Variants in PTPRN2 observed in about 807,000 individuals in gnomAD.
PTPRN2 encodes the protein receptor-type tyrosine-protein phosphatase N2.
In PTPRN2, 74 loss-of-function variants were observed where a neutral mutation model predicts 118.8. That is an observed-to-expected ratio of 0.62 (90% CI 0.52 to 0.76). PTPRN2 has a LOEUF of 0.76. Ranked by LOEUF, PTPRN2 falls within the 30% of genes least tolerant of loss-of-function variation. The pLI is 0.00. For missense variants in PTPRN2, 1,481 were observed against 1,394.4 expected, an observed-to-expected ratio of 1.06 and a Z score of -0.99; for synonymous variants, 641 against 608.0, an observed-to-expected ratio of 1.05 and a Z score of -0.80.
At chr7:157,995,164 A>G (rs967504296) in intron 11 of PTPRN2, among the ~76,000 whole-genome samples, 3 of 147,610 alleles carry the variant, frequency 2.0e-5, no homozygotes, top group Non-Finnish European at 1.5e-5. Flanking sequence ...TCCTAAATCA[A>G]CGCCACGTCC....
At chr7:158,420,662 C>T (rs1388378284) in intron 2 of PTPRN2, among the ~76,000 whole-genome samples, 1 of 152,252 alleles carries the variant, frequency 6.6e-6, no homozygotes, top group Non-Finnish European at 1.5e-5. Flanking sequence ...GTGAGCCATG[C>T]AGATGAGGTC....
At chr7:158,032,566 G>A (rs1397236615) in intron 11 of PTPRN2, among the ~76,000 whole-genome samples, 4 of 152,102 alleles carry the variant, frequency 2.6e-5, no homozygotes, top group East Asian at 3.9e-4. Context: ...GAGACGTTCC[G>A]TATGCAATAG....
chr7:158,379,848 T>C (rs921524708), intron 2 of PTPRN2, among the ~76,000 whole-genome samples: 3 of 152,068 alleles, frequency 2.0e-5, no homozygotes, highest in Non-Finnish European at 4.4e-5. Flanking sequence ...GACTCACAAT[T>C]CCACATGGCT....
chr7:158,505,168 T>C (rs1822652693), intron 1 of PTPRN2, among the ~76,000 whole-genome samples: 1 of 152,208 alleles, frequency 6.6e-6, no homozygotes. Flanking sequence ...TTTTTCCCAC[T>C]ATATCACTGA....
chr7:158,439,130 C>G (rs1407000831), intron 2 of PTPRN2, among the ~76,000 whole-genome samples: 3 of 152,336 alleles, frequency 2.0e-5, no homozygotes, highest in East Asian at 3.9e-4. Flanking sequence ...AGTCATCCCG[C>G]CTTACTGGAC....
intron 22 of PTPRN2, among the ~76,000 whole-genome samples, chr7:157,544,668 G>T (rs1229702241): frequency 6.6e-6 from 1 of 152,244 alleles, no homozygotes; most frequent in Admixed American, 6.5e-5. Context: ...TTGTGGGCAG[G>T]AAAGTGTTAA....
chr7:158,384,301 C>A (rs1317230115), intron 2 of PTPRN2, among the ~76,000 whole-genome samples: 1 of 152,154 alleles, frequency 6.6e-6, no homozygotes, highest in Non-Finnish European at 1.5e-5. Context: ...ACCTTTCGGC[C>A]AGACACCAAC....
chr7:158,223,846 T>C (rs568100983), intron 3 of PTPRN2, among the ~76,000 whole-genome samples: 26 of 152,100 alleles, frequency 1.7e-4, no homozygotes, highest in African/African-American at 6.3e-4. Context: ...AAATAAAAGA[T>C]ATGCAGACAC....
chr7:158,069,667 T>C (rs2128914077), intron 11 of PTPRN2, among the ~76,000 whole-genome samples: 1 of 152,342 alleles, frequency 6.6e-6, no homozygotes, highest in East Asian at 1.9e-4. Context: ...CATGACATCT[T>C]ACTGTCTGCT....
intron 2 of PTPRN2, among the ~76,000 whole-genome samples, chr7:158,406,887 A>C (rs1162549147): frequency 6.6e-6 from 1 of 152,210 alleles, no homozygotes; most frequent in East Asian, 1.9e-4. Flanking sequence ...ACTCCAGGCA[A>C]ATTGCTTTAT....
chr7:158,540,988 C>A (rs1425364885), intron 1 of PTPRN2, among the ~76,000 whole-genome samples: 1 of 152,176 alleles, frequency 6.6e-6, no homozygotes, highest in East Asian at 1.9e-4. Context: ...GGATAGGAAT[C>A]CACTTTTTTG....
chr7:158,476,775 C>A (rs1273550432), intron 2 of PTPRN2, among the ~76,000 whole-genome samples: 2 of 152,264 alleles, frequency 1.3e-5, no homozygotes, highest in African/African-American at 4.8e-5. Context: ...GACGCGAGAA[C>A]GTCAATCTGG....
chr7:158,528,271 C>T (rs12666703), intron 1 of PTPRN2, among the ~76,000 whole-genome samples: 5 of 152,102 alleles, frequency 3.3e-5, no homozygotes, highest in East Asian at 3.9e-4. Flanking sequence ...GCAGGACAGG[C>T]GGGGGCACCC....
chr7:157,843,454 G>A (rs527463769), intron 12 of PTPRN2, among the ~76,000 whole-genome samples: 5 of 152,336 alleles, frequency 3.3e-5, no homozygotes, highest in South Asian at 2.1e-4. Context: ...CTGGCTGTGC[G>A]TTCTCTGCCT....
intron 11 of PTPRN2, among the ~76,000 whole-genome samples, chr7:158,012,034 T>G (rs1474132613): frequency 3.9e-5 from 6 of 152,278 alleles, no homozygotes; most frequent in African/African-American, 1.4e-4. Flanking sequence ...GAGCATCCTT[T>G]TCTGAATGTG....
chr7:157,659,510 G>A (rs192125017), intron 13 of PTPRN2, among the ~76,000 whole-genome samples: 1 of 151,182 alleles, frequency 6.6e-6, no homozygotes, highest in Non-Finnish European at 1.5e-5. Flanking sequence ...GGGCAGAGAC[G>A]CACAGGGGAA....
chr7:158,020,126 G>C (rs1289433890), intron 11 of PTPRN2, among the ~76,000 whole-genome samples: 1 of 152,218 alleles, frequency 6.6e-6, no homozygotes, highest in Non-Finnish European at 1.5e-5. Context: ...GAGCATCTGT[G>C]TGATGGCCAG....
intron 6 of PTPRN2, among the ~76,000 whole-genome samples, chr7:158,150,991 G>A (rs182409502): frequency 6.6e-6 from 1 of 151,140 alleles, no homozygotes; most frequent in Non-Finnish European, 1.5e-5. Context: ...GTTCCTCTCA[G>A]CACCTCATGC....
chr7:158,244,133 G>A (rs548918727), intron 3 of PTPRN2, among the ~76,000 whole-genome samples: 5 of 152,158 alleles, frequency 3.3e-5, no homozygotes, highest in Non-Finnish European at 7.3e-5. Flanking sequence ...CCTGGGAAGA[G>A]AACAAGCTGC....
Sources: allele counts gnomAD v4.1 joint callset (sites outside exome capture counted in the v4.1 genomes callset), GRCh38; gene constraint gnomAD v4.1.1; transcripts MANE v1.5; gene names NCBI Gene and HGNC (gene_info 2026-07-23, HGNC 2026-07-21).